The following SOCS5 variants were observed in gnomAD, a reference collection of about 807,000 sequenced individuals.
SOCS5 encodes CIS-6.
Under a neutral mutation model 42.8 loss-of-function variants are expected in SOCS5, and 32 were observed. The observed-to-expected ratio is 0.75, with a 90% CI of 0.56 to 1.01. SOCS5 has a LOEUF of 1.01. Among genes scored for constraint, SOCS5 ranks in the 50% least tolerant of loss-of-function variants. The pLI is 0.00. For synonymous variants in SOCS5, 283 were observed against 229.6 expected, an observed-to-expected ratio of 1.23 and a Z score of -2.10; for missense variants, 627 against 653.0, an observed-to-expected ratio of 0.96 and a Z score of 0.43.
Position 46,759,739 on chromosome 2 carries a change from T to C in SOCS5, c.1209T>C (p.Phe403=). 2 of 1,614,128 alleles carry C rather than the reference T, an allele frequency of 1.2e-6. No homozygotes were observed. Among genetic ancestry groups the C allele is most frequent in the Non-Finnish European group, 1.7e-6 (2 of 1,180,004 alleles). Residue 403 remains phenylalanine (F), a synonymous_variant, in exon 2 of 2, where the codon TTT becomes TTC. Transcript: ENST00000394861. ...ALLEGKPEGT[F]LLRDSAQEDY... is the part of the protein sequence containing the mutation. ...TCGAAGGGAAACCTGAAGGCACGTT[T>C]TTGCTCAGGGACTCTGCGCAAGAGG...
Position 46,758,953 on chromosome 2 carries a change from G to C in SOCS5, c.423G>C (p.Lys141Asn). 6.2e-7 allele frequency: 1 copy of C among 1,613,990 alleles called. No homozygotes were observed. The highest frequency in any genetic ancestry group is 1.1e-5 in the South Asian group (1 of 91,076). Residue 141 changes from lysine to asparagine, a missense_variant, in exon 2 of 2, where the codon AAG (lysine) becomes AAC (asparagine). Lys to Asn is a moderately conservative substitution (Grantham distance 94). This residue lies in a region of SOCS5 where 278 missense variants were observed against 246.3 expected (regional missense o/e 1.13). Transcript: ENST00000394861. ...AGAGTTCATTGGATGCTGATAAAAA[G>C]TTTGGTAGAACTCGAAGTGGACTTC... Reference protein sequence around the residue: ...KTQSSLDADKKFGRTRSGLQR... With the variant: ...KTQSSLDADKNFGRTRSGLQR...
At chr2:46,728,621 A>G (rs796957793) in intron 1 of SOCS5, among the ~76,000 whole-genome samples, 2 of 152,198 alleles carry the variant, frequency 1.3e-5, no homozygotes, top group African/African-American at 4.8e-5. Flanking sequence ...CAATGCTGCT[A>G]TCTCAGTCAC....
chr2:46,729,223 T>C (rs1346952977), intron 1 of SOCS5, among the ~76,000 whole-genome samples: 1 of 152,216 alleles, frequency 6.6e-6, no homozygotes, highest in Admixed American at 6.5e-5. Context: ...CTAACATCAC[T>C]GACATATAGC....
In SOCS5 at chr2:46,760,021, G is replaced by T; in HGVS notation, c.1491G>T (p.Thr497=). ...GCGCGGTAATCTGCAGGTGCACTAC[G>T]TATGATGGAATTGATGGGCTCCCTC... ...ICRAVICRCT[T]YDGIDGLPLP... The change falls in exon 2 of 2, where the codon ACG becomes ACT. Residue 497 remains threonine (T), a synonymous_variant. Coordinates refer to ENST00000394861, the MANE Select transcript of SOCS5 (RefSeq NM_144949.3). 1.2e-5 allele frequency: 19 copies of T among 1,614,098 alleles called. No homozygotes were observed. Among genetic ancestry groups the T allele is most frequent in the Non-Finnish European group, 1.5e-5 (18 of 1,180,002 alleles).
At position 46,759,590 on chromosome 2, in the gene SOCS5, C is replaced by A. The variant is rs1346116515; in HGVS notation, c.1060C>A (p.Gln354Lys). 1 of 1,613,952 alleles carries A rather than the reference C, an allele frequency of 6.2e-7. No homozygotes were observed. Among genetic ancestry groups the A allele is most frequent in the Admixed American group, 1.7e-5 (1 of 60,016 alleles). Residue 354 changes from glutamine (Q) to lysine (K), a missense_variant, in exon 2 of 2, where the codon CAG (glutamine) becomes AAG (lysine). By Grantham distance (53) the Gln-to-Lys change is moderately conservative. Transcript: ENST00000394861. The stretch of plus-strand genomic sequence containing the variant: ...AGACAGCCATACCCATGTTAGCAGA[C>A]AGGGAGCTTGGAAAGTCCACACACA... Reference protein sequence around the residue: ...SGDSHTHVSRQGAWKVHTQID... With the variant: ...SGDSHTHVSRKGAWKVHTQID...
At position 46,728,404 on chromosome 2, in the gene SOCS5, C is replaced by T. The variant is rs78495766; in HGVS notation, c.-13+28955C>T. 2.8e-4 allele frequency among the ~76,000 whole-genome samples: 42 copies of T among 152,230 alleles called. 1 individual carries two copies. In the East Asian group the frequency reaches 7.7e-3, roughly 28 times the overall value. ...ATTCATTTATTCATAAGCCAGCACACGTAGCTATCATTTGAGTGCTTACTA... is the reference window on the plus strand; with the variant it reads ...ATTCATTTATTCATAAGCCAGCACATGTAGCTATCATTTGAGTGCTTACTA... On this transcript the variant is annotated intron_variant, in intron 1 of 1. Transcript: ENST00000394861.
chr2:46,720,263 T>G (rs1242725512), intron 1 of SOCS5, among the ~76,000 whole-genome samples: 1 of 152,212 alleles, frequency 6.6e-6, no homozygotes, highest in Non-Finnish European at 1.5e-5. Context: ...GAATTTGAAG[T>G]CTTGAACTTA....
At chr2:46,744,743 G>C (rs1171734710) in intron 1 of SOCS5, among the ~76,000 whole-genome samples, 1 of 151,520 alleles carries the variant, frequency 6.6e-6, no homozygotes, top group Admixed American at 6.6e-5. Context: ...AGCCAGGCTG[G>C]TTTCAAACTC....
intron 1 of SOCS5, among the ~76,000 whole-genome samples, chr2:46,732,477 T>C (rs922042661): frequency 2.0e-5 from 3 of 152,230 alleles, no homozygotes; most frequent in African/African-American, 7.2e-5. Flanking sequence ...AAAACTCCTA[T>C]GTAGTTTGAA....
intron 1 of SOCS5, among the ~76,000 whole-genome samples, chr2:46,755,677 G>A (rs1484546178): frequency 1.3e-5 from 2 of 152,112 alleles, no homozygotes; most frequent in Non-Finnish European, 2.9e-5. Context: ...GAAATTTAAC[G>A]CTTTTTTTAG....
intron 1 of SOCS5, among the ~76,000 whole-genome samples, chr2:46,728,460 G>T (rs10192254): frequency 0.074 from 11,318 of 152,172 alleles, 527 homozygotes; most frequent in Middle Eastern, 0.19. Flanking sequence ...TATATTATTT[G>T]TTTAATTCTC....
At chr2:46,699,045 C>T (rs1672278417), upstream of SOCS5, 1 of 152,562 alleles carries the variant, frequency 6.6e-6, no homozygotes, top group African/African-American at 2.4e-5. This position sits in a 1 kb window ranked among gnomAD's most constrained non-coding sequence, Gnocchi z 4.8. Context: ...TCGGCCTTCA[C>T]CTACCCGCCT....
rs567409628 is a variant in SOCS5, at chr2:46,746,502, T to G, written c.-12-12017T>G. ...CCGTCTCTAGTAAAAATACAAAAAA[T>G]TAGCCAGGCGTGGTGGCGGACATCT... On this transcript the variant is annotated intron_variant, in intron 1 of 1. Coordinates refer to ENST00000394861, the MANE Select transcript of SOCS5 (RefSeq NM_144949.3). 4.6e-5 allele frequency among the ~76,000 whole-genome samples: 7 copies of G among 152,106 alleles called. No individual in the cohort carries two copies. The East Asian group carries it at 1.4e-3, about 29-fold the overall frequency.
In SOCS5 at chr2:46,761,300, C is replaced by G. The variant is rs945085389; in HGVS notation, c.*1159C>G. On this transcript the variant is annotated 3_prime_UTR_variant, in exon 2 of 2. Transcript: ENST00000394861. ...GCGCTTTTGGAAGTTATATCAAGTT[C>G]TAGTGTTTGCTTCTTAGTAACTGAA... 1.2e-5 allele frequency: 2 copies of G among 167,066 alleles called. No individual in the cohort carries two copies. Among genetic ancestry groups the G allele is most frequent in the Admixed American group, 6.5e-5 (1 of 15,280 alleles). The allele number at this position is 167,066 out of a possible 1,614,324, so 10.3% of individuals were successfully genotyped here.
intron 1 of SOCS5, among the ~76,000 whole-genome samples, chr2:46,719,618 G>A (rs564377113): frequency 6.6e-6 from 1 of 152,270 alleles, no homozygotes; most frequent in African/African-American, 2.4e-5. Flanking sequence ...TTTGACGTCT[G>A]TATCCCTGGC....
At chr2:46,708,430 A>G (rs1672542921) in intron 1 of SOCS5, among the ~76,000 whole-genome samples, 2 of 152,224 alleles carry the variant, frequency 1.3e-5, no homozygotes, top group African/African-American at 4.8e-5. Flanking sequence ...TCAGTTGGAA[A>G]TACGGGTCTG....
chr2:46,730,177 G>A (rs1331210071), intron 1 of SOCS5, among the ~76,000 whole-genome samples: 2 of 152,064 alleles, frequency 1.3e-5, no homozygotes, highest in Non-Finnish European at 2.9e-5. Context: ...TCTTAGATAC[G>A]GATTTTGGCC....
Position 46,759,486 on chromosome 2 carries a change from A to C in SOCS5, c.956A>C (p.Gln319Pro), listed in dbSNP as rs771195479. ...EISGDSSAIP[Q>P]ANCDSEEDTT... ...AGTGGGGACAGTTCTGCAATTCCACAAGCTAATTGTGACTCGGAAGAGGAT... is the reference window on the plus strand; with the variant it reads ...AGTGGGGACAGTTCTGCAATTCCACCAGCTAATTGTGACTCGGAAGAGGAT... Residue 319 changes from glutamine to proline, a missense_variant, in exon 2 of 2, where the codon CAA becomes CCA. Physicochemically the swap from Gln to Pro is moderately conservative, Grantham distance 76. Coordinates refer to ENST00000394861, the MANE Select transcript of SOCS5 (RefSeq NM_144949.3). 1.9e-6 allele frequency: 3 copies of C among 1,613,886 alleles called. No homozygotes were observed. The highest frequency in any genetic ancestry group is 2.7e-5 in the African/African-American group (2 of 74,932).
intron 1 of SOCS5, among the ~76,000 whole-genome samples, chr2:46,724,641 A>G (rs1476008049): frequency 6.6e-6 from 1 of 151,978 alleles, no homozygotes; most frequent in African/African-American, 2.4e-5. Flanking sequence ...TGGATTACTT[A>G]TAAGTACATC....
Sources: gnomAD v4.1 joint callset for allele counts (sites outside exome capture counted in the v4.1 genomes callset) on GRCh38, gnomAD v4.1.1 for gene constraint, gnomAD v4.1.1 regional missense constraint, Gnocchi (gnomAD v3.1) non-coding constraint, MANE v1.5 for transcripts, NCBI Gene and HGNC (gene_info 2026-07-23, HGNC 2026-07-21) for gene names.